Variants in ZNF407 observed in about 807,000 individuals in gnomAD.
ZNF407 encodes the protein zinc finger protein 407.
A neutral mutation model predicts 131.2 loss-of-function variants in ZNF407; 17 were observed. The observed-to-expected ratio is 0.13, with a 90% confidence interval of 0.09 to 0.19. The LOEUF is 0.19. Among genes scored for constraint, ZNF407 ranks in the 10% least tolerant of loss-of-function variants. The pLI is 1.00. For missense variants in ZNF407, 2,681 were observed against 2,830.6 expected (o/e 0.95, Z 1.20); for synonymous variants, 1,156 against 1,062.0 (o/e 1.09, Z -1.72).
intron 3 of ZNF407, among the ~76,000 whole-genome samples, chr18:74,679,707 C>T (rs184131771): frequency 4.5e-4 from 68 of 152,286 alleles, no homozygotes; most frequent in Non-Finnish European, 8.4e-4. Flanking sequence ...TTGCATCTCC[C>T]CATCATATAT....
intron 3 of ZNF407, among the ~76,000 whole-genome samples, chr18:74,749,859 G>A (rs1043278913): frequency 3.3e-5 from 5 of 152,162 alleles, no homozygotes; most frequent in African/African-American, 1.2e-4. Flanking sequence ...GGAAATTAAA[G>A]AAGTATGATA....
chr18:74,631,997 G>A lies in ZNF407; in HGVS notation c.978G>A (p.Thr326=), dbSNP rs970096780. ...DSKGLRNVGS[T]FKDFRGSISK... is the part of the protein sequence containing the mutation. The stretch of plus-strand genomic sequence containing the variant: ...AAGGATTACGAAATGTGGGAAGCAC[G>A]TTTAAAGATTTCAGAGGAAGTATTT... Residue 326 remains threonine (T), a synonymous_variant, in exon 2 of 9, where the codon ACG becomes ACA. Transcript: ENST00000299687. 1.2e-6 allele frequency: 2 copies of A among 1,613,970 alleles called. No homozygotes were observed. The highest frequency in any genetic ancestry group is 1.3e-5 in the African/African-American group (1 of 75,060).
chr18:75,051,257 G>A (rs529806003), intron 8 of ZNF407, among the ~76,000 whole-genome samples: 1 of 152,120 alleles, frequency 6.6e-6, no homozygotes. Flanking sequence ...TGTTAATGCT[G>A]TCACTTAGGA....
chr18:75,020,337 T>C (rs1476619638), intron 8 of ZNF407, among the ~76,000 whole-genome samples: 1 of 151,334 alleles, frequency 6.6e-6, no homozygotes, highest in African/African-American at 2.4e-5. Context: ...TGTGTGTGTG[T>C]GTGTATATAT....
chr18:74,907,536 T>C (rs967337511), intron 7 of ZNF407, among the ~76,000 whole-genome samples: 3 of 152,134 alleles, frequency 2.0e-5, no homozygotes. Context: ...GGAAATGGCT[T>C]CTCTTTCCCC....
chr18:74,999,719 A>G (rs1235294573), intron 8 of ZNF407, among the ~76,000 whole-genome samples: 1 of 152,252 alleles, frequency 6.6e-6, no homozygotes, highest in Non-Finnish European at 1.5e-5. Flanking sequence ...AATATGAGTC[A>G]CTTTAGGAAA....
chr18:74,947,989 A>G (rs1473341661), intron 8 of ZNF407, among the ~76,000 whole-genome samples: 5 of 152,234 alleles, frequency 3.3e-5, no homozygotes, highest in African/African-American at 9.6e-5. Flanking sequence ...CTTCAGAGGT[A>G]AAATAATTAA....
chr18:75,043,534 C>T (rs775797311), intron 8 of ZNF407, among the ~76,000 whole-genome samples: 14 of 152,174 alleles, frequency 9.2e-5, no homozygotes, highest in African/African-American at 2.4e-4. Context: ...CATCACTGTC[C>T]GCTTGCTATG....
intron 4 of ZNF407, among the ~76,000 whole-genome samples, chr18:74,788,114 T>C (rs964951972): frequency 1.2e-4 from 18 of 152,354 alleles, no homozygotes; most frequent in African/African-American, 4.3e-4. Flanking sequence ...AGGATAGCCT[T>C]AAAGGCATGC....
intron 8 of ZNF407, among the ~76,000 whole-genome samples, chr18:74,947,892 C>T (rs1414225906): frequency 6.6e-6 from 1 of 152,194 alleles, no homozygotes; most frequent in Non-Finnish European, 1.5e-5. Context: ...CTCTCAGCTC[C>T]CTCTCCTTTT....
intron 4 of ZNF407, among the ~76,000 whole-genome samples, chr18:74,872,050 A>G (rs2145173507): frequency 6.6e-6 from 1 of 152,024 alleles, no homozygotes; most frequent in East Asian, 1.9e-4. Flanking sequence ...TTGTATTTTT[A>G]GTAGAGACCG....
chr18:74,750,455 A>G (rs1968774412), intron 3 of ZNF407, among the ~76,000 whole-genome samples: 1 of 152,192 alleles, frequency 6.6e-6, no homozygotes, highest in Admixed American at 6.5e-5. Flanking sequence ...AGTTCATATG[A>G]ATGTGATTAT....
intron 8 of ZNF407, among the ~76,000 whole-genome samples, chr18:75,026,002 C>T (rs1161673955): frequency 3.3e-5 from 5 of 152,158 alleles, no homozygotes; most frequent in Non-Finnish European, 7.3e-5. Flanking sequence ...ACATCCACTA[C>T]GTAGAAGGTG....
intron 4 of ZNF407, among the ~76,000 whole-genome samples, chr18:74,784,602 C>T (rs555834511): frequency 6.6e-6 from 1 of 152,314 alleles, no homozygotes. Flanking sequence ...CAGTATCCTA[C>T]AGTATTTCTG....
chr18:74,760,865 A>G (rs1969079354), intron 3 of ZNF407, among the ~76,000 whole-genome samples: 1 of 152,158 alleles, frequency 6.6e-6, no homozygotes, highest in African/African-American at 2.4e-5. Context: ...AGTGCCCCAA[A>G]GCTTATTGTT....
At chr18:75,026,981 T>C (rs1973178895) in intron 8 of ZNF407, among the ~76,000 whole-genome samples, 1 of 152,154 alleles carries the variant, frequency 6.6e-6, no homozygotes, top group Non-Finnish European at 1.5e-5. Context: ...ATTCTACATA[T>C]GAATAGGTGT....
rs1332494315 is a variant in ZNF407, at chr18:74,631,260, G to C, written c.241G>C (p.Ala81Pro). 5 of 1,613,966 alleles carry C rather than the reference G, an allele frequency of 3.1e-6. No individual in the cohort carries two copies. Among genetic ancestry groups the C allele is most frequent in the Non-Finnish European group, 4.2e-6 (5 of 1,179,888 alleles). ...HASKRRKLDE[A>P]EPLKSGKQGI... ...TTCCAAACGCAGGAAATTAGATGAG[G>C]CAGAGCCCCTTAAATCTGGAAAGCA... The change falls in exon 2 of 9, where the codon GCA (alanine) becomes CCA (proline). Residue 81 changes from alanine (A) to proline (P), a missense_variant. Around this residue, in one of 6 missense-constraint regions of ZNF407, gnomAD observed 1,789 missense variants for 1,748.7 expected, o/e 1.02. Coordinates refer to ENST00000299687, the MANE Select transcript of ZNF407 (RefSeq NM_017757.3).
At chr18:74,863,663 G>T (rs74363734) in intron 4 of ZNF407, among the ~76,000 whole-genome samples, 13 of 152,088 alleles carry the variant, frequency 8.5e-5, no homozygotes, top group African/African-American at 3.1e-4. Flanking sequence ...AGACTGCAGC[G>T]AATTAAAGGA....
intron 8 of ZNF407, among the ~76,000 whole-genome samples, chr18:74,979,824 G>C (rs1972568467): frequency 6.6e-6 from 1 of 152,190 alleles, no homozygotes; most frequent in African/African-American, 2.4e-5. Flanking sequence ...TTACGTATCT[G>C]TGATGGTTTA....
Sources: gnomAD v4.1 joint callset for allele counts (sites outside exome capture counted in the v4.1 genomes callset) on GRCh38, gnomAD v4.1.1 for gene constraint, gnomAD v4.1.1 regional missense constraint, MANE v1.5 for transcripts, NCBI Gene and HGNC (gene_info 2026-07-23, HGNC 2026-07-21) for gene names.